Variants in KCNK4 observed in about 807,000 individuals in gnomAD.
KCNK4 encodes potassium two pore domain channel subfamily K member 4, also known as potassium channel subfamily K member 4.
KCNK4 carries 22 observed loss-of-function variants against 28.8 expected under a neutral mutation model. The observed-to-expected ratio is 0.76, with a 90% CI of 0.55 to 1.09. KCNK4 has a LOEUF of 1.09. Ranked by LOEUF, KCNK4 falls within the 50% of genes least tolerant of loss-of-function variation. The pLI, the probability that KCNK4 is intolerant of heterozygous loss-of-function variation, is 0.00. For synonymous variants in KCNK4, 263 were observed against 252.9 expected (o/e 1.04, Z -0.38); for missense variants, 483 against 546.3 (o/e 0.88, Z 1.15).
At chr11:64,298,913 C>T (rs1480870154) in intron 6 of KCNK4, among the ~76,000 whole-genome samples, 1 of 151,422 alleles carries the variant, frequency 6.6e-6, no homozygotes, top group Non-Finnish European at 1.5e-5. Flanking sequence ...TGGTGGCGGG[C>T]GCCTGTAATC....
At chr11:64,292,848 G>T in intron 1 of KCNK4, 94 bp from the exon 2 acceptor site, 1 of 1,333,540 alleles carries the variant, frequency 7.5e-7, no homozygotes, top group Non-Finnish European at 9.8e-7. Context: ...GCAGCTGGGG[G>T]CTTTATGGAT....
At chr11:64,297,345 C>G in intron 4 of KCNK4, 66 bp downstream of exon 4, 1 of 1,575,790 alleles carries the variant, frequency 6.3e-7, no homozygotes, top group Non-Finnish European at 8.6e-7. Context: ...ATGTCCCTGG[C>G]ACATGAGCGC....
chr11:64,294,515 CAAAAAAA>C (rs771542870), intron 2 of KCNK4, among the ~76,000 whole-genome samples: 1 of 92,562 alleles, frequency 1.1e-5, no homozygotes, highest in South Asian at 4.1e-4. Flanking sequence ...TGATCGGTCT[CAAAAAAA>C]AAAAAAAAAA....
In KCNK4 at chr11:64,299,607, A is replaced by G; in HGVS notation, c.1063A>G (p.Ser355Gly). 2.5e-6 allele frequency: 4 copies of G among 1,609,110 alleles called. No individual in the cohort carries two copies. The highest frequency in any genetic ancestry group is 3.4e-6 in the Non-Finnish European group (4 of 1,178,360). Reference protein sequence around the residue: ...AFIDESSDTQSERGCPLPRAP... With the variant: ...AFIDESSDTQGERGCPLPRAP... ...CATCGACGAGTCCTCGGATACGCAG[A>G]GCGAGCGCGGCTGCCCGCTGCCCCG... Residue 355 changes from serine to glycine, a missense_variant, in exon 7 of 7, where the codon AGC becomes GGC. Transcript: ENST00000422670.
intron 2 of KCNK4, among the ~76,000 whole-genome samples, chr11:64,295,863 G>GC (rs1259423167): frequency 6.6e-6 from 1 of 151,934 alleles, no homozygotes; most frequent in Non-Finnish European, 1.5e-5. Context: ...TTTATGATAC[G>GC]CCCCACAGAC....
chr11:64,298,524 G>A (rs950337423), intron 6 of KCNK4, among the ~76,000 whole-genome samples: 9 of 152,078 alleles, frequency 5.9e-5, no homozygotes, highest in Non-Finnish European at 1.2e-4. Flanking sequence ...TCTAGAAAAG[G>A]CACAAAAATT....
chr11:64,296,069 A>G (rs1324643948), intron 2 of KCNK4: 2 of 152,178 alleles, frequency 1.3e-5, no homozygotes, highest in Non-Finnish European at 2.9e-5. Context: ...TTTACAACTA[A>G]TTGATCACAA....
intron 2 of KCNK4, among the ~76,000 whole-genome samples, chr11:64,295,004 G>C (rs115208770): frequency 6.6e-6 from 1 of 152,196 alleles, no homozygotes; most frequent in Non-Finnish European, 1.5e-5. Flanking sequence ...ACCTAGAAGG[G>C]TGGGTGACAG....
At chr11:64,292,891 G>C in intron 1 of KCNK4, 51 bp from the exon 2 acceptor site, 1 of 1,428,204 alleles carries the variant, frequency 7.0e-7, no homozygotes, top group East Asian at 2.6e-5. Flanking sequence ...GGAGGAGGGT[G>C]TGGGTGTCAG....
intron 2 of KCNK4, 102 bp downstream of exon 2, chr11:64,293,309 C>T (rs2034686866): frequency 2.3e-6 from 3 of 1,278,702 alleles, no homozygotes; most frequent in South Asian, 3.7e-5. Flanking sequence ...AGATCAGTAT[C>T]CCTGAGGACG....
chr11:64,291,841 A>C (rs1591222927), intron 1 of KCNK4: 2 of 196,224 alleles, frequency 1.0e-5, no homozygotes, highest in East Asian at 3.5e-4. Context: ...GGGACGCCCC[A>C]GGGGCGACTG....
chr11:64,293,180 C>T lies in KCNK4; in HGVS notation c.162C>T (p.Ser54=). 1.3e-6 allele frequency: 2 copies of T among 1,484,390 alleles called. No homozygotes were observed. The highest frequency in any genetic ancestry group is 1.8e-6 in the Non-Finnish European group (2 of 1,111,328). 92.0% of individuals were successfully genotyped at this position (1,484,390 alleles called of 1,614,324 possible). A position where few individuals can be genotyped will look rare whatever the true frequency, so the allele number is the denominator to read the frequency against. ...TCCTGAGGGCCCATCCGTGTGTGAG[C>T]GACCAGGAGCTGGGCCTCCTCATCA... ...EKFLRAHPCV[S]DQELGLLIKE... The change falls in exon 2 of 7, where the codon AGC becomes AGT. Residue 54 remains serine, a synonymous_variant. Coordinates refer to ENST00000422670, the MANE Select transcript of KCNK4 (RefSeq NM_033310.3).
At chr11:64,293,450 G>A (rs1438790830) in intron 2 of KCNK4, among the ~76,000 whole-genome samples, 6 of 144,848 alleles carry the variant, frequency 4.1e-5, no homozygotes, top group Non-Finnish European at 9.1e-5. Flanking sequence ...CTCCTTCAGG[G>A]TGTGATGGTG....
chr11:64,292,069 C>T (rs903310107), intron 1 of KCNK4: 31 of 1,120,930 alleles, frequency 2.8e-5, no homozygotes, highest in Non-Finnish European at 3.2e-5. Context: ...GCGGCCGGCA[C>T]GCCCATGGGG....
chr11:64,291,603 TG>T (rs2034630401), intron 1 of KCNK4, 37 bp downstream of exon 1: 1 of 151,862 alleles, frequency 6.6e-6, no homozygotes, highest in Admixed American at 6.6e-5. Context: ...GCGAGGGCGC[TG>T]CACGGAGGGA....
At chr11:64,293,609 CT>C (rs201150836) in intron 2 of KCNK4, among the ~76,000 whole-genome samples, 3 of 151,402 alleles carry the variant, frequency 2.0e-5, no homozygotes, top group Admixed American at 6.6e-5. Flanking sequence ...CTGCAAATGC[CT>C]TTTTTTTTGA....
Position 64,299,538 on chromosome 11 carries a change from C to A in KCNK4, c.994C>A (p.Pro332Thr), listed in dbSNP as rs1273161829. 44 of 1,610,066 alleles carry A rather than the reference C, an allele frequency of 2.7e-5. No homozygotes were observed. The highest frequency in any genetic ancestry group is 3.6e-5 in the Non-Finnish European group (43 of 1,178,920). The stretch of plus-strand genomic sequence containing the variant: ...CGAGAAGGCTCAGCCGCCTTCCCCG[C>A]CCACGGCCTCGGCCCTGGATTATCC... ...PPEKAQPPSP[P>T]TASALDYPSE... Residue 332 changes from proline (P) to threonine (T), a missense_variant, in exon 7 of 7, where the codon CCC (proline) becomes ACC (threonine). By Grantham distance (38) the Pro-to-Thr change is conservative (BLOSUM62 -1). Transcript: ENST00000422670.
Position 64,296,996 on chromosome 11 carries a change from C to T in KCNK4, c.308C>T (p.Thr103Ile), listed in dbSNP as rs757151733. The T allele has an allele frequency of 4.5e-6, 7 of 1,541,930 alleles. No individual in the cohort carries two copies. Among genetic ancestry groups the T allele is most frequent in the Non-Finnish European group, 6.1e-6 (7 of 1,144,530 alleles). Residue 103 changes from threonine to isoleucine, a missense_variant, in exon 3 of 7, where the codon ACC becomes ATC. Coordinates refer to ENST00000422670, the MANE Select transcript of KCNK4 (RefSeq NM_033310.3). ...AFFFSGTIIT[T>I]IGYGNVALRT... Reference sequence around the variant, plus strand: ...TTTTTCTCAGGGACCATCATCACCACCATCGGTGGGGGAGGGGATTGGCAT... The same window carrying T: ...TTTTTCTCAGGGACCATCATCACCATCATCGGTGGGGGAGGGGATTGGCAT...
chr11:64,299,693 CG>C lies in KCNK4; in HGVS notation c.1152del (p.Arg385ValfsTer33). On this transcript the variant is annotated frameshift_variant, in exon 7 of 7. Coordinates refer to ENST00000422670, the MANE Select transcript of KCNK4 (RefSeq NM_033310.3). LOFTEE classifies it high-confidence loss of function. ...GGAAGCCCGTGCGGCCCCGCGGCCC[CG>C]GGCGTCCCCGAGACAAAGGCGTGCC... ...PRKPVRPRGP[G>X]RPRDKGVPV The C allele has an allele frequency of 6.4e-7, 1 of 1,566,888 alleles. No homozygotes were observed.
Sources: gnomAD v4.1 joint callset for allele counts (sites outside exome capture counted in the v4.1 genomes callset) on GRCh38, gnomAD v4.1.1 for gene constraint, MANE v1.5 for transcripts, NCBI Gene and HGNC (gene_info 2026-07-23, HGNC 2026-07-21) for gene names.